The following JAKMIP2 variants were observed in gnomAD, a reference collection of about 807,000 sequenced individuals.
JAKMIP2 encodes the protein janus kinase and microtubule interacting protein 2, also known as janus kinase and microtubule-interacting protein 2.
In JAKMIP2, 25 loss-of-function variants were observed where a neutral mutation model predicts 115.0. The observed-to-expected ratio is 0.22, with a 90% confidence interval of 0.16 to 0.30. JAKMIP2 has a LOEUF of 0.30. Ranked by LOEUF, JAKMIP2 falls within the 10% of genes least tolerant of loss-of-function variation. The pLI, the probability that JAKMIP2 is intolerant of heterozygous loss-of-function variation, is 1.00. For missense variants in JAKMIP2, 642 were observed against 957.6 expected (o/e 0.67, Z 4.35); for synonymous variants, 334 against 343.6 (o/e 0.97, Z 0.31).
intron 1 of JAKMIP2, among the ~76,000 whole-genome samples, chr5:147,698,868 T>C (rs1039849675): frequency 2.6e-5 from 4 of 152,116 alleles, no homozygotes; most frequent in South Asian, 2.1e-4. Context: ...AAGTGGAAAG[T>C]GGTTGTACAA....
chr5:147,684,273 C>T (rs1760464501), intron 1 of JAKMIP2, among the ~76,000 whole-genome samples: 3 of 149,236 alleles, frequency 2.0e-5, no homozygotes, highest in Non-Finnish European at 4.4e-5. Context: ...ACCAAAAAAG[C>T]CTGCATATTC....
intron 20 of JAKMIP2, 91 bp from the exon 21 acceptor site, chr5:147,601,902 A>C (rs1201459240): frequency 3.2e-6 from 2 of 616,536 alleles, no homozygotes; most frequent in Non-Finnish European, 5.7e-6. Flanking sequence ...ATATTGCTCA[A>C]GTCTAATCAC....
At chr5:147,758,559 T>C (rs1446278195) in intron 1 of JAKMIP2, among the ~76,000 whole-genome samples, 1 of 152,156 alleles carries the variant, frequency 6.6e-6, no homozygotes, top group East Asian at 1.9e-4. Context: ...TCCAAATGTT[T>C]GAAAATAAAA....
chr5:147,659,295 T>C (rs1035067890), intron 3 of JAKMIP2, among the ~76,000 whole-genome samples: 8 of 152,160 alleles, frequency 5.3e-5, no homozygotes, highest in Admixed American at 2.0e-4. Context: ...GGAGGTCACC[T>C]GGCTGCGTGC....
chr5:147,725,891 T>C (rs1305078773), intron 1 of JAKMIP2, among the ~76,000 whole-genome samples: 4 of 152,154 alleles, frequency 2.6e-5, no homozygotes, highest in African/African-American at 9.7e-5. Context: ...ATGTACACGA[T>C]AACTGGACAT....
At position 147,587,709 on chromosome 5, in the gene JAKMIP2, A is replaced by G. The variant is rs1754933605; in HGVS notation, c.*3998T>C. 1 of 152,208 alleles carries G rather than the reference A, an allele frequency of 6.6e-6. No individual in the cohort carries two copies. The highest frequency in any genetic ancestry group is 1.5e-5 in the Non-Finnish European group (1 of 68,032). The allele number at this position is 152,208 out of a possible 1,614,324, so 9.4% of individuals were successfully genotyped here. A position where few individuals can be genotyped will look rare whatever the true frequency, so the allele number is the denominator to read the frequency against. ...AAGAATTACACAATGGGTTTACAGG[A>G]AAATTTGACAGTCAATGGGCAAAAA... On this transcript the variant is annotated 3_prime_UTR_variant, in exon 22 of 22. Coordinates refer to ENST00000616793, the MANE Select transcript of JAKMIP2 (RefSeq NM_001270941.2).
rs201610413 is a variant in JAKMIP2 at position 147,635,923 on chromosome 5, A to G, written c.1677+299T>C. Reference sequence around the variant, plus strand: ...GATGTGCACGTGTGTGTGTGCGTGTATGTATATATATATGTACAGTATATA... The same window carrying G: ...GATGTGCACGTGTGTGTGTGCGTGTGTGTATATATATATGTACAGTATATA... On this transcript the variant is annotated intron_variant, in intron 12 of 21. Coordinates refer to ENST00000616793, the MANE Select transcript of JAKMIP2 (RefSeq NM_001270941.2). Among the ~76,000 whole-genome samples, 961 of 152,226 alleles carry G rather than the reference A, an allele frequency of 6.3e-3. 48 individuals carry two copies. In the East Asian group the frequency reaches 0.13, roughly 21 times the overall value.
chr5:147,756,933 T>C (rs1425773197), intron 1 of JAKMIP2, among the ~76,000 whole-genome samples: 1 of 152,194 alleles, frequency 6.6e-6, no homozygotes, highest in East Asian at 1.9e-4. Flanking sequence ...TCATATTTTA[T>C]AGTAGGTGCT....
rs1754563712 is a variant in JAKMIP2 at position 147,751,577 on chromosome 5, G to A, written c.-149+30879C>T. 2.3e-5 allele frequency among the ~76,000 whole-genome samples: 3 copies of A among 132,838 alleles called. No homozygotes were observed. The South Asian group carries it at 6.9e-4, about 31-fold the overall frequency. 87.1% of individuals were successfully genotyped at this position (132,838 alleles called of 152,430 possible). ...TCTTTATTAGGAGTCTCTTCCATAAGTACCTCCCTCTAGACATTAAGCAAG... is the reference window on the plus strand; with the variant it reads ...TCTTTATTAGGAGTCTCTTCCATAAATACCTCCCTCTAGACATTAAGCAAG... On this transcript the variant is annotated intron_variant, in intron 1 of 21. Transcript: ENST00000616793.
chr5:147,764,946 G>A (rs1385840910), intron 1 of JAKMIP2, among the ~76,000 whole-genome samples: 14 of 86,462 alleles, frequency 1.6e-4, no homozygotes, highest in South Asian at 3.9e-4. Context: ...GAGAGAGAGA[G>A]GGAGAGAGAG....
intron 3 of JAKMIP2, among the ~76,000 whole-genome samples, chr5:147,658,102 T>A (rs184542914): frequency 1.7e-4 from 26 of 152,298 alleles, no homozygotes; most frequent in African/African-American, 5.5e-4. Context: ...CTTTTGCGAT[T>A]TTCGGTGTTT....
intron 20 of JAKMIP2, among the ~76,000 whole-genome samples, chr5:147,608,674 T>C (rs1431670307): frequency 6.6e-6 from 1 of 152,176 alleles, no homozygotes; most frequent in Admixed American, 6.5e-5. Flanking sequence ...GAGAGTTCTG[T>C]AGATGTCTAT....
chr5:147,719,667 C>A (rs1239441232), intron 1 of JAKMIP2, among the ~76,000 whole-genome samples: 8 of 151,176 alleles, frequency 5.3e-5, no homozygotes, highest in Non-Finnish European at 1.2e-4. Flanking sequence ...ACTAGGATTG[C>A]AACCCCTGCC....
chr5:147,733,064 A>G (rs1753792832), intron 1 of JAKMIP2, among the ~76,000 whole-genome samples: 1 of 152,220 alleles, frequency 6.6e-6, no homozygotes, highest in East Asian at 1.9e-4. Flanking sequence ...GATTTTTTCA[A>G]TCCATTAAAC....
chr5:147,709,826 G>T (rs1752714791), intron 1 of JAKMIP2, among the ~76,000 whole-genome samples: 1 of 152,082 alleles, frequency 6.6e-6, no homozygotes, highest in African/African-American at 2.4e-5. Flanking sequence ...CTCCAGCCTG[G>T]GCAACAGCGC....
chr5:147,772,948 G>A (rs1421838898), intron 1 of JAKMIP2, among the ~76,000 whole-genome samples: 1 of 152,040 alleles, frequency 6.6e-6, no homozygotes, highest in East Asian at 1.9e-4. Context: ...GATGCTCAAA[G>A]AATTTAGGTC....
chr5:147,718,718 T>A (rs1024360887), intron 1 of JAKMIP2, among the ~76,000 whole-genome samples: 17 of 152,220 alleles, frequency 1.1e-4, no homozygotes, highest in South Asian at 2.1e-4. Flanking sequence ...TTTTATTGCG[T>A]CTATTAGATT....
rs113915745 is a variant in JAKMIP2 at position 147,740,281 on chromosome 5, G to C, written c.-149+42175C>G. Among the ~76,000 whole-genome samples the C allele has an allele frequency of 8.2e-3, 1,254 of 152,302 alleles. 15 individuals carry two copies. Among genetic ancestry groups the C allele is most frequent in the African/African-American group, 0.028 (1,157 of 41,566 alleles). Reference sequence around the variant, plus strand: ...TAATGTCTAATTATAGAATCAGAATGCAAGACATACACTAATCACAGATAT... The same window carrying C: ...TAATGTCTAATTATAGAATCAGAATCCAAGACATACACTAATCACAGATAT... On this transcript the variant is annotated intron_variant, in intron 1 of 21. Transcript: ENST00000616793.
chr5:147,613,111 A>G (rs1353155816), intron 19 of JAKMIP2, among the ~76,000 whole-genome samples: 4 of 152,240 alleles, frequency 2.6e-5, no homozygotes, highest in Non-Finnish European at 5.9e-5. Flanking sequence ...TTACCTCTCA[A>G]TTATGTAACA....
Sources: gnomAD v4.1 joint callset for allele counts (sites outside exome capture counted in the v4.1 genomes callset) on GRCh38, gnomAD v4.1.1 for gene constraint, MANE v1.5 for transcripts, NCBI Gene and HGNC (gene_info 2026-07-23, HGNC 2026-07-21) for gene names.